The following ECE1 variants were observed in gnomAD, a reference collection of about 807,000 sequenced individuals.
ECE1 encodes the protein endothelin converting enzyme 1.
A neutral mutation model predicts 98.6 loss-of-function variants in ECE1; 35 were observed. The ratio of observed to expected loss-of-function variants is 0.35; its 90% CI spans 0.27 to 0.47. ECE1 has a LOEUF of 0.47. Ranked by LOEUF, ECE1 falls within the 20% of genes least tolerant of loss-of-function variation. The pLI is 1.00. For synonymous variants in ECE1, 394 were observed against 407.1 expected (o/e 0.97, Z 0.39); for missense variants, 814 against 1,025.3 (o/e 0.79, Z 2.81).
chr1:21,243,949 T>G (rs968416559), intron 10 of ECE1, among the ~76,000 whole-genome samples: 1 of 151,976 alleles, frequency 6.6e-6, no homozygotes, highest in African/African-American at 2.4e-5. Flanking sequence ...CTGCCAGAGG[T>G]AGGTTTGCAT....
intron 4 of ECE1, among the ~76,000 whole-genome samples, chr1:21,265,607 C>T (rs2098232938): frequency 6.6e-6 from 1 of 152,136 alleles, no homozygotes; most frequent in Admixed American, 6.5e-5. Context: ...ACTGTGCCAA[C>T]CCTCCATAGC....
Position 21,345,304 on chromosome 1 carries a change from AC to A in ECE1, c.3+71del. ...GCGAGCCAGGGCGGCCCCGGGTGCC[AC>A]CCGCGGCACCGCTGCCCGCGACCGT... On this transcript the variant is annotated intron_variant, in intron 1 of 18. Coordinates refer to the ECE1 transcript ENST00000415912. This position sits in a 1 kb window ranked among gnomAD's most constrained non-coding sequence, Gnocchi z 5.1. 7.6e-7 allele frequency: 1 copy of A among 1,320,666 alleles called. No individual in the cohort carries two copies. The highest frequency in any genetic ancestry group is 9.7e-7 in the Non-Finnish European group (1 of 1,027,644). 81.8% of individuals were successfully genotyped at this position (1,320,666 alleles called of 1,614,324 possible).
At chr1:21,271,953 C>G (rs1375991719) in intron 4 of ECE1, among the ~76,000 whole-genome samples, 1 of 151,820 alleles carries the variant, frequency 6.6e-6, no homozygotes, top group Non-Finnish European at 1.5e-5. Flanking sequence ...AGAATCTGAT[C>G]TAGTGTGTTC....
chr1:21,262,137 C>T (rs545791093), intron 4 of ECE1, among the ~76,000 whole-genome samples: 225 of 152,162 alleles, frequency 1.5e-3, no homozygotes, highest in Middle Eastern at 6.8e-3. Context: ...GAAAGGGGGA[C>T]GGGACCAGCT....
intron 14 of ECE1, among the ~76,000 whole-genome samples, chr1:21,230,173 G>C (rs2103223871): frequency 6.6e-6 from 1 of 152,096 alleles, no homozygotes; most frequent in South Asian, 2.1e-4. Flanking sequence ...CTGCACTCTG[G>C]CCTGGGTGAT....
chr1:21,260,346 T>C lies in ECE1; in HGVS notation c.540A>G (p.Val180=), dbSNP rs759890148. The C allele has an allele frequency of 3.7e-6, 6 of 1,614,242 alleles. No homozygotes were observed. Residue 180 remains valine (V), a synonymous_variant, in exon 5 of 19, where the codon GTA becomes GTG. Transcript: ENST00000374893. This position sits in a 1 kb window ranked among gnomAD's most constrained non-coding sequence, Gnocchi z 4.3. ...TCTCGTTCATGCACGCACGGTAGTA[T>C]ACTTGCGCCTTTCTCTCTGCCTCGC... ...SVSEAERKAQ[V]YYRACMNETR...
At position 21,246,927 on chromosome 1, in the gene ECE1, C is replaced by T. The variant is rs2873366; in HGVS notation, c.1163+294G>A. ...TCCTGCCTCTGTCTCCCAAAAGTCCCGCAATTACGGGCGTTCATGCCCGGC... is the reference window on the plus strand; with the variant it reads ...TCCTGCCTCTGTCTCCCAAAAGTCCTGCAATTACGGGCGTTCATGCCCGGC... On this transcript the variant is annotated intron_variant, in intron 9 of 18. Coordinates refer to ENST00000374893, the MANE Select transcript of ECE1 (RefSeq NM_001397.3). Among the ~76,000 whole-genome samples the T allele has an allele frequency of 3.9e-5, 6 of 152,198 alleles. No homozygotes were observed. In the South Asian group the frequency reaches 1.0e-3, roughly 26 times the overall value.
At chr1:21,334,191 T>C (rs1417765748) in intron 1 of ECE1, among the ~76,000 whole-genome samples, 3 of 152,158 alleles carry the variant, frequency 2.0e-5, no homozygotes, top group African/African-American at 7.2e-5. Context: ...TAGCCTCAGG[T>C]AAGTCTCTTT....
chr1:21,344,579 C>CG lies in ECE1; in HGVS notation c.3+796_3+797insC, dbSNP rs901211277. 1.2e-4 allele frequency among the ~76,000 whole-genome samples: 19 copies of CG among 152,194 alleles called. 1 individual carries two copies. Among genetic ancestry groups the CG allele is most frequent in the African/African-American group, 4.6e-4 (19 of 41,446 alleles). On this transcript the variant is annotated intron_variant, in intron 1 of 18. Coordinates refer to the ECE1 transcript ENST00000415912. ...ACAATGCCCCTCCCAACAGCCCCCC[C>CG]CCAGGAAGCCCAGCCTGGATCAAAT... is the stretch of plus-strand genomic sequence containing the variant.
intron 1 of ECE1, among the ~76,000 whole-genome samples, chr1:21,335,312 T>C (rs1219058358): frequency 6.6e-6 from 1 of 152,166 alleles, no homozygotes; most frequent in African/African-American, 2.4e-5. Flanking sequence ...TTGTCTCCTT[T>C]CTTCTCTCGG....
chr1:21,327,811 C>T lies in ECE1; in HGVS notation c.3+17565G>A, dbSNP rs12080822. 0.015 allele frequency among the ~76,000 whole-genome samples: 2,303 copies of T among 152,246 alleles called. 62 individuals are homozygous for T. The highest frequency in any genetic ancestry group is 0.051 in the African/African-American group (2,131 of 41,550). ...CAGCAGGAGGTGAGCTGTGGGTGGA[C>T]ATTACCGCCTGAGCTCTGCCTTCGG... is the stretch of plus-strand genomic sequence containing the variant. On this transcript the variant is annotated intron_variant, in intron 1 of 18. Transcript: ENST00000415912. This position sits in a 1 kb window ranked among gnomAD's most constrained non-coding sequence, Gnocchi z 4.6.
chr1:21,260,127 G>T lies in ECE1; in HGVS notation c.615+144C>A, dbSNP rs571765286. The T allele has an allele frequency of 7.8e-7, 1 of 1,290,310 alleles. No individual in the cohort carries two copies. The highest frequency in any genetic ancestry group is 1.1e-6 in the Non-Finnish European group (1 of 900,806). The allele number at this position is 1,290,310 out of a possible 1,614,324, so 79.9% of individuals were successfully genotyped here. On this transcript the variant is annotated intron_variant, in intron 5 of 18. Coordinates refer to ENST00000374893, the MANE Select transcript of ECE1 (RefSeq NM_001397.3). The surrounding 1 kb of genome is among the most constrained non-coding windows in gnomAD (Gnocchi z 4.3). ...CACTCACATGTGCTCTCGCACACTC[G>T]CTCTCTCTCTTTCTGTCTTTCTCTT...
At chr1:21,301,993 G>C (rs1269044341) in intron 1 of ECE1, among the ~76,000 whole-genome samples, 1 of 152,190 alleles carries the variant, frequency 6.6e-6, no homozygotes, top group African/African-American at 2.4e-5. Context: ...CTTGAGGCCA[G>C]ACCGCCCCTT....
chr1:21,335,219 G>T (rs1423442326), intron 1 of ECE1, among the ~76,000 whole-genome samples: 2 of 151,382 alleles, frequency 1.3e-5, no homozygotes, highest in African/African-American at 4.9e-5. Flanking sequence ...TCATGTCCCA[G>T]CTCAGACATC....
chr1:21,302,917 T>G (rs1569710677), intron 1 of ECE1, among the ~76,000 whole-genome samples: 1 of 152,330 alleles, frequency 6.6e-6, no homozygotes, highest in South Asian at 2.1e-4. Flanking sequence ...GCCGTGGCCC[T>G]GGGCCTGGGC....
At chr1:21,243,975 G>A (rs2098199895) in intron 10 of ECE1, among the ~76,000 whole-genome samples, 2 of 152,196 alleles carry the variant, frequency 1.3e-5, no homozygotes, top group African/African-American at 4.8e-5. Flanking sequence ...TGGGAGAGAG[G>A]ACGTGTAGGA....
intron 10 of ECE1, among the ~76,000 whole-genome samples, chr1:21,241,535 G>A (rs2098196383): frequency 6.6e-6 from 1 of 150,622 alleles, no homozygotes; most frequent in African/African-American, 2.5e-5. Flanking sequence ...CAATTCTCCT[G>A]CCTCAGCCTC....
At chr1:21,263,907 CCTA>C (rs1048305031) in intron 4 of ECE1, among the ~76,000 whole-genome samples, 4 of 152,146 alleles carry the variant, frequency 2.6e-5, no homozygotes. Flanking sequence ...TCAGGGAGCA[CCTA>C]CTATCCTGCA....
rs760693307 is a variant in ECE1 at position 21,260,354 on chromosome 1, C to T, written c.532G>A (p.Ala178Thr). 1.2e-6 allele frequency: 2 copies of T among 1,614,244 alleles called. No homozygotes were observed. The highest frequency in any genetic ancestry group is 4.5e-5 in the East Asian group (2 of 44,886). Residue 178 changes from alanine (A) to threonine (T), a missense_variant, in exon 5 of 19, where the codon GCG becomes ACG. Transcript: ENST00000374893. This position sits in a 1 kb window ranked among gnomAD's most constrained non-coding sequence, Gnocchi z 4.3. ...TASVSEAERKAQVYYRACMNE... is the reference protein window; with the variant it reads ...TASVSEAERKTQVYYRACMNE... ...ATGCACGCACGGTAGTATACTTGCG[C>T]CTTTCTCTCTGCCTCGCTCACGCTG...
Sources: allele counts gnomAD v4.1 joint callset (sites outside exome capture counted in the v4.1 genomes callset), GRCh38; gene constraint gnomAD v4.1.1; non-coding constraint Gnocchi (gnomAD v3.1); transcripts MANE v1.5; gene names NCBI Gene and HGNC (gene_info 2026-07-23, HGNC 2026-07-21).